Variants in ARNT observed in about 807,000 individuals in gnomAD.
ARNT encodes the protein aryl hydrocarbon receptor nuclear translocator, also known as class E basic helix-loop-helix protein 2.
A neutral mutation model predicts 105.0 loss-of-function variants in ARNT; 30 were observed. The observed-to-expected ratio is 0.29, with a 90% CI of 0.21 to 0.39. ARNT has a LOEUF of 0.39. Among genes scored for constraint, ARNT ranks in the 10% least tolerant of loss-of-function variants. ARNT has a pLI of 1.00. For missense variants in ARNT, 748 were observed against 978.7 expected, an observed-to-expected ratio of 0.76 and a Z score of 3.15; for synonymous variants, 304 against 344.0, an observed-to-expected ratio of 0.88 and a Z score of 1.29.
intron 14 of ARNT, 45 bp from the exon 15 acceptor site, chr1:150,818,075 A>C (rs774134316): frequency 1.4e-4 from 140 of 1,003,864 alleles, no homozygotes; most frequent in Non-Finnish European, 1.7e-4. Context: ...GAGAGGGAGG[A>C]AGGGGGGAGA....
Position 150,876,532 on chromosome 1 carries a change from C to A in ARNT, c.25+11G>T. 1 of 1,551,226 alleles carries A rather than the reference C, an allele frequency of 6.4e-7. No homozygotes were observed. On this transcript the variant is annotated intron_variant, in intron 1 of 21. Coordinates refer to ENST00000358595, the MANE Select transcript of ARNT (RefSeq NM_001668.4). ...CCCCTTTAGAGGCGCCCCAGTCCTC[C>A]GTCTCCTCACCGGGGTTGGCAGTAG...
intron 3 of ARNT, among the ~76,000 whole-genome samples, chr1:150,847,156 G>C (rs1378837920): frequency 6.6e-6 from 1 of 152,008 alleles, no homozygotes; most frequent in Non-Finnish European, 1.5e-5. Context: ...GGGAGGCTGG[G>C]CGCAGTGGCT....
intron 8 of ARNT, among the ~76,000 whole-genome samples, chr1:150,833,778 A>C (rs905061729): frequency 1.3e-5 from 2 of 151,994 alleles, no homozygotes; most frequent in African/African-American, 4.8e-5. Context: ...TCAAATTTCT[A>C]ACCAAAAAAA....
chr1:150,831,995 T>C (rs1232882710), intron 9 of ARNT, 92 bp from the exon 10 acceptor site: 7 of 864,864 alleles, frequency 8.1e-6, no homozygotes, highest in Non-Finnish European at 1.3e-5. Context: ...AAGTTTATGC[T>C]CTTAGGAGTT....
rs73010816 is a variant in ARNT, at chr1:150,813,271, T to C, written c.2181A>G (p.Pro727=). 557 of 1,614,042 alleles carry C rather than the reference T, an allele frequency of 3.5e-4. 2 individuals are homozygous for C. The African/African-American group carries it at 5.7e-3, about 17-fold the overall frequency. The change falls in exon 21 of 22, where the codon CCA becomes CCG. Residue 727 remains proline (P), a synonymous_variant. Transcript: ENST00000358595. ...TRTAEGVGVW[P]QWQGQQPHHR... ...GATGAGGCTGCTGGCCCTGCCACTGTGGCCAGACACCCACACCCTCTGCTG... is the reference window on the plus strand; with the variant it reads ...GATGAGGCTGCTGGCCCTGCCACTGCGGCCAGACACCCACACCCTCTGCTG...
At chr1:150,842,397 T>A (rs1266393989) in intron 5 of ARNT, 27 bp downstream of exon 5, 4 of 1,605,204 alleles carry the variant, frequency 2.5e-6, no homozygotes, top group Non-Finnish European at 3.4e-6. Flanking sequence ...ATCTGCTTCA[T>A]CATGCTAAAA....
chr1:150,849,416 A>C (rs900486641), intron 3 of ARNT, among the ~76,000 whole-genome samples: 1 of 152,204 alleles, frequency 6.6e-6, no homozygotes, highest in African/African-American at 2.4e-5. Context: ...TTCTTACTTG[A>C]AAAGAAGACA....
chr1:150,824,721 C>T (rs910950764), intron 13 of ARNT, among the ~76,000 whole-genome samples: 2 of 152,086 alleles, frequency 1.3e-5, no homozygotes, highest in African/African-American at 4.8e-5. Context: ...TCCCAAAGTG[C>T]TGGGATTATA....
At chr1:150,871,222 T>C (rs766948241) in intron 1 of ARNT, among the ~76,000 whole-genome samples, 7 of 151,874 alleles carry the variant, frequency 4.6e-5, no homozygotes, top group Non-Finnish European at 8.8e-5. Context: ...TGATAGGTGT[T>C]GTCATATTTC....
At position 150,850,112 on chromosome 1, in the gene ARNT, T is replaced by C. The variant is rs587615471; in HGVS notation, c.182+2650A>G. 3.9e-5 allele frequency among the ~76,000 whole-genome samples: 6 copies of C among 152,038 alleles called. No individual in the cohort carries two copies. In the South Asian group the frequency reaches 8.3e-4, roughly 21 times the overall value. ...CTCCAGAATATTAACAACTCAAAAATACAAATTCCTCACACCTGTAATCCC... is the reference window on the plus strand; with the variant it reads ...CTCCAGAATATTAACAACTCAAAAACACAAATTCCTCACACCTGTAATCCC... On this transcript the variant is annotated intron_variant, in intron 3 of 21. Coordinates refer to ENST00000358595, the MANE Select transcript of ARNT (RefSeq NM_001668.4).
At chr1:150,844,966 T>A (rs1176109687) in intron 4 of ARNT, among the ~76,000 whole-genome samples, 1 of 152,080 alleles carries the variant, frequency 6.6e-6, no homozygotes, top group African/African-American at 2.4e-5. Flanking sequence ...CCCACCATGA[T>A]GCCCGGCTAA....
chr1:150,816,659 C>T, intron 18 of ARNT, 129 bp downstream of exon 18: 1 of 1,126,412 alleles, frequency 8.9e-7, no homozygotes. Context: ...TTGTTTGCCT[C>T]ACGCTAGGCC....
At chr1:150,828,162 T>C (rs954804999) in intron 12 of ARNT, among the ~76,000 whole-genome samples, 4 of 152,022 alleles carry the variant, frequency 2.6e-5, no homozygotes, top group African/African-American at 9.7e-5. Flanking sequence ...CAATTTATAA[T>C]TTTTTTTCTT....
intron 1 of ARNT, among the ~76,000 whole-genome samples, chr1:150,869,495 A>T (rs919676203): frequency 1.3e-5 from 2 of 152,114 alleles, no homozygotes; most frequent in Admixed American, 1.3e-4. Context: ...AAAACAAAAC[A>T]AAATGAAGAA....
At chr1:150,862,712 T>TAAAAAAAAA (rs56147665) in intron 1 of ARNT, among the ~76,000 whole-genome samples, 1 of 66,600 alleles carries the variant, frequency 1.5e-5, no homozygotes, top group South Asian at 6.8e-4. Context: ...CCTGCCTCTG[T>TAAAAAAAAA]AAAAAAAAAA....
At chr1:150,844,140 T>C (rs1376080590) in intron 4 of ARNT, among the ~76,000 whole-genome samples, 2 of 152,238 alleles carry the variant, frequency 1.3e-5, no homozygotes, top group East Asian at 1.9e-4. Flanking sequence ...CAAATATCTA[T>C]GATTAACTTC....
chr1:150,830,422 G>A (rs147945150), intron 10 of ARNT: 21 of 154,560 alleles, frequency 1.4e-4, no homozygotes, highest in Admixed American at 5.1e-4. Context: ...AAGCAATAGA[G>A]AATGATAAAT....
At chr1:150,852,583 CCT>C (rs1312970021) in intron 3 of ARNT, among the ~76,000 whole-genome samples, 177 bp downstream of exon 3, 1 of 152,020 alleles carries the variant, frequency 6.6e-6, no homozygotes, top group Non-Finnish European at 1.5e-5. Flanking sequence ...TCACTGAGGT[CCT>C]TTCTCTAGAG....
chr1:150,839,685 G>A, intron 5 of ARNT, 31 bp from the exon 6 acceptor site: 1 of 1,594,928 alleles, frequency 6.3e-7, no homozygotes, highest in South Asian at 1.1e-5. Context: ...GCCCCATCCA[G>A]GTGGTCACAT....
Sources: allele counts gnomAD v4.1 joint callset (sites outside exome capture counted in the v4.1 genomes callset), GRCh38; gene constraint gnomAD v4.1.1; transcripts MANE v1.5; gene names NCBI Gene and HGNC (gene_info 2026-07-23, HGNC 2026-07-21).